Variants in AGL observed in about 807,000 individuals in gnomAD.
The protein encoded by AGL is amylo-alpha-1,6-glucosidase and 4-alpha-glucanotransferase.
Under a neutral mutation model 199.3 loss-of-function variants are expected in AGL, and 128 were observed. The observed-to-expected ratio is 0.64, with a 90% CI of 0.56 to 0.74. The LOEUF is 0.74. AGL is among the 30% of genes least tolerant of loss of function. The pLI is 0.00. For synonymous variants in AGL, 584 were observed against 594.7 expected (o/e 0.98, Z 0.26); for missense variants, 1,809 against 1,820.8 (o/e 0.99, Z 0.12).
At chr1:99,857,593 C>T (rs1649628368) in intron 2 of AGL, among the ~76,000 whole-genome samples, 1 of 151,720 alleles carries the variant, frequency 6.6e-6, no homozygotes, top group Non-Finnish European at 1.5e-5. Flanking sequence ...GTGGATCACT[C>T]GCGGTTAGGA....
At chr1:99,897,305 A>G (rs1421001261) in intron 25 of AGL, among the ~76,000 whole-genome samples, 2 of 152,158 alleles carry the variant, frequency 1.3e-5, no homozygotes, top group Admixed American at 6.5e-5. Flanking sequence ...CTGGACATAG[A>G]GAGAGTAGGG....
At chr1:99,863,589 G>T (rs990013309) in intron 4 of AGL, among the ~76,000 whole-genome samples, 24 of 151,812 alleles carry the variant, frequency 1.6e-4, no homozygotes, top group African/African-American at 5.8e-4. Context: ...AGTAGCTTGG[G>T]ACTGCAGGCG....
intron 29 of AGL, among the ~76,000 whole-genome samples, chr1:99,913,132 A>G (rs1440405867): frequency 1.3e-5 from 2 of 152,094 alleles, no homozygotes; most frequent in East Asian, 3.9e-4. Context: ...AGGTGGGAGG[A>G]TGGCTTGAGC....
intron 5 of AGL, among the ~76,000 whole-genome samples, chr1:99,864,795 G>A (rs1235814557): frequency 6.6e-6 from 1 of 152,170 alleles, no homozygotes; most frequent in African/African-American, 2.4e-5. Flanking sequence ...TGAGGATTAA[G>A]TCAATATATA....
intron 2 of AGL, among the ~76,000 whole-genome samples, chr1:99,857,934 G>A (rs934279927): frequency 6.6e-6 from 1 of 151,980 alleles, no homozygotes; most frequent in Non-Finnish European, 1.5e-5. Flanking sequence ...ATTGAATTAC[G>A]TTAATATATG....
intron 21 of AGL, among the ~76,000 whole-genome samples, chr1:99,890,185 T>C (rs1390312045): frequency 6.6e-6 from 1 of 152,202 alleles, no homozygotes; most frequent in Admixed American, 6.5e-5. Context: ...CAAAACCAAC[T>C]AACCAATTTT....
At chr1:99,921,433 T>A (rs1655503826) in intron 33 of AGL, 101 bp from the exon 34 acceptor site, 2 of 795,752 alleles carry the variant, frequency 2.5e-6, no homozygotes, top group South Asian at 2.7e-5. Context: ...TGACTACATA[T>A]GATTATTTTC....
Position 99,866,431 on chromosome 1 carries a change from C to A in AGL, c.664+1842C>A, listed in dbSNP as rs79433857. On this transcript the variant is annotated intron_variant, in intron 5 of 33. Transcript: ENST00000361915. ...AAATTCTTAGTCAGATATGGCTATTCCAGCTCCTGCTACCACATTCTCCCC... is the reference window on the plus strand; with the variant it reads ...AAATTCTTAGTCAGATATGGCTATTACAGCTCCTGCTACCACATTCTCCCC... 7.5e-3 allele frequency among the ~76,000 whole-genome samples: 1,140 copies of A among 152,282 alleles called. 22 individuals carry two copies. The highest frequency in any genetic ancestry group is 0.026 in the African/African-American group (1,088 of 41,550).
intron 33 of AGL, among the ~76,000 whole-genome samples, chr1:99,918,156 ATG>A (rs1655269965): frequency 1.3e-5 from 2 of 152,186 alleles, no homozygotes; most frequent in South Asian, 2.1e-4. Context: ...TATTTTCACT[ATG>A]TATAGAATTC....
intron 27 of AGL, among the ~76,000 whole-genome samples, chr1:99,907,760 C>T (rs1654430856): frequency 7.5e-6 from 1 of 132,950 alleles, no homozygotes; most frequent in Non-Finnish European, 1.6e-5. Flanking sequence ...TTTGCATTTC[C>T]TTAATGATTT....
chr1:99,907,693 G>GTTTTTTGTTTTTTTTTT (rs1553191713), intron 27 of AGL, among the ~76,000 whole-genome samples: 6 of 118,944 alleles, frequency 5.0e-5, no homozygotes, highest in African/African-American at 1.8e-4. Context: ...TTTGTTTTTT[G>GTTTTTTGTTTTTTTTTT]TTTTTTTTGC....
At chr1:99,873,653 C>T (rs563748547) in intron 7 of AGL, among the ~76,000 whole-genome samples, 48 of 152,244 alleles carry the variant, frequency 3.2e-4, no homozygotes, top group African/African-American at 9.4e-4. Context: ...AGGCTGGTCT[C>T]GATCTCTTGA....
chr1:99,901,485 G>A (rs1463124701), intron 26 of AGL, among the ~76,000 whole-genome samples: 1 of 151,642 alleles, frequency 6.6e-6, no homozygotes, highest in Non-Finnish European at 1.5e-5. Flanking sequence ...TTTTGTAAGA[G>A]CCTAGGCTCT....
At chr1:99,891,161 G>A (rs577875151) in intron 21 of AGL, 59 bp from the exon 22 acceptor site, 2 of 1,606,274 alleles carry the variant, frequency 1.2e-6, no homozygotes, top group South Asian at 2.2e-5. Flanking sequence ...GGGACTAGAG[G>A]ATATAGGAAC....
At chr1:99,875,326 G>A (rs1308673659) in intron 9 of AGL, 32 bp from the exon 10 acceptor site, 2 of 1,613,020 alleles carry the variant, frequency 1.2e-6, no homozygotes, top group South Asian at 1.1e-5. Flanking sequence ...CTTGAGGATG[G>A]TGATGATCTA....
At chr1:99,902,162 A>G (rs1653894161) in intron 26 of AGL, among the ~76,000 whole-genome samples, 1 of 151,968 alleles carries the variant, frequency 6.6e-6, no homozygotes, top group African/African-American at 2.4e-5. Flanking sequence ...ATATTTTCCC[A>G]AATGTCATCC....
At chr1:99,854,722 C>T (rs1436732276) in intron 2 of AGL, among the ~76,000 whole-genome samples, 1 of 150,664 alleles carries the variant, frequency 6.6e-6, no homozygotes, top group Non-Finnish European at 1.5e-5. Context: ...TGAGATTGCG[C>T]CACTGCACTC....
At chr1:99,857,680 C>G (rs1355643052) in intron 2 of AGL, among the ~76,000 whole-genome samples, 2 of 151,060 alleles carry the variant, frequency 1.3e-5, no homozygotes, top group Non-Finnish European at 3.0e-5. Flanking sequence ...GGCGTGGCGG[C>G]GCGCGCCTGC....
chr1:99,861,116 C>A, intron 2 of AGL: 1 of 966,770 alleles, frequency 1.0e-6, no homozygotes, highest in Non-Finnish European at 1.3e-6. Context: ...TTCTCTGTTG[C>A]AGTTAGAAAA....
Sources: gnomAD v4.1 joint callset for allele counts (sites outside exome capture counted in the v4.1 genomes callset) on GRCh38, gnomAD v4.1.1 for gene constraint, MANE v1.5 for transcripts, NCBI Gene and HGNC (gene_info 2026-07-23, HGNC 2026-07-21) for gene names.